SLC47A1: variants seen among roughly 807,000 people sequenced by gnomAD.
SLC47A1 encodes multidrug and toxin extrusion protein 1.
SLC47A1 carries 58 observed loss-of-function variants against 65.8 expected under a neutral mutation model. The observed-to-expected ratio is 0.88, with a 90% CI of 0.71 to 1.10. The LOEUF is 1.10. Ranked by LOEUF, SLC47A1 falls within the 50% of genes least tolerant of loss-of-function variation. The pLI is 0.00. For synonymous variants in SLC47A1, 285 were observed against 295.0 expected, an observed-to-expected ratio of 0.97 and a Z score of 0.35; for missense variants, 706 against 719.2, an observed-to-expected ratio of 0.98 and a Z score of 0.21.
chr17:19,545,257 C>T (rs866712309), intron 2 of SLC47A1, among the ~76,000 whole-genome samples: 5 of 151,898 alleles, frequency 3.3e-5, no homozygotes, highest in African/African-American at 9.7e-5. Flanking sequence ...TGCAGTGGCA[C>T]GATCTCAGTT....
intron 3 of SLC47A1, among the ~76,000 whole-genome samples, chr17:19,547,528 A>T (rs1916320064): frequency 6.6e-6 from 1 of 150,694 alleles, no homozygotes; most frequent in South Asian, 2.1e-4. Context: ...TTTAAATATA[A>T]TTTTTTTTTA....
At chr17:19,557,568 T>G (rs756199340) in intron 10 of SLC47A1, 12 of 515,542 alleles carry the variant, frequency 2.3e-5, no homozygotes, top group African/African-American at 2.3e-4. Flanking sequence ...GGGCCCAGGG[T>G]ATGTTCACGG....
chr17:19,573,985 C>T (rs1355459415), intron 16 of SLC47A1, among the ~76,000 whole-genome samples: 4 of 148,018 alleles, frequency 2.7e-5, no homozygotes, highest in East Asian at 4.0e-4. Context: ...TGCAATGGTG[C>T]GATCTCAGCT....
chr17:19,538,482 C>A (rs1012363255), intron 1 of SLC47A1, among the ~76,000 whole-genome samples: 2 of 152,236 alleles, frequency 1.3e-5, no homozygotes, highest in African/African-American at 4.8e-5. Flanking sequence ...ATGTACATTG[C>A]TTTTGCACCA....
At position 19,577,530 on chromosome 17, in the gene SLC47A1, A is replaced by G. The variant is rs778822934; in HGVS notation, c.1690A>G (p.Arg564Gly). Residue 564 changes from arginine to glycine, a missense_variant, in exon 17 of 17, where the codon AGA becomes GGA. Coordinates refer to ENST00000270570, the MANE Select transcript of SLC47A1 (RefSeq NM_018242.3). ...FLILLVGILV[R>G]FYVRIQ ...AATCTTGCTGGTGGGGATTTTAGTG[A>G]GATTCTATGTCAGAATTCAGTGACG... 1 of 1,614,130 alleles carries G rather than the reference A, an allele frequency of 6.2e-7. No homozygotes were observed. The highest frequency in any genetic ancestry group is 2.2e-5 in the East Asian group (1 of 44,890).
rs77630697 is a variant in SLC47A1, at chr17:19,542,448, G to A, written c.191G>A (p.Gly64Asp). The A allele has an allele frequency of 2.5e-4, 397 of 1,612,528 alleles. 7 individuals carry two copies. The East Asian group carries it at 8.1e-3, about 33-fold the overall frequency. ...LISFISSVFC[G>D]HLGKLELDAV... Reference sequence around the variant, plus strand: ...AGCTTCATAAGCTCCGTGTTCTGTGGCCACCTGGGCAAGCTGGAGCTGGAT... The same window carrying A: ...AGCTTCATAAGCTCCGTGTTCTGTGACCACCTGGGCAAGCTGGAGCTGGAT... Residue 64 changes from glycine to aspartate, a missense_variant, in exon 2 of 17, where the codon GGC (glycine) becomes GAC (aspartate). Physicochemically the swap from Gly to Asp is moderately conservative, Grantham distance 94 (BLOSUM62 -1). Coordinates refer to ENST00000270570, the MANE Select transcript of SLC47A1 (RefSeq NM_018242.3).
At chr17:19,555,116 C>A in intron 6 of SLC47A1, 96 bp from the exon 7 acceptor site, 1 of 1,133,218 alleles carries the variant, frequency 8.8e-7, no homozygotes, top group Non-Finnish European at 1.3e-6. Context: ...GTGATACCCG[C>A]TGAGCAGGCC....
chr17:19,546,410 G>A (rs1345792695), intron 2 of SLC47A1, 25 bp from the exon 3 acceptor site: 2 of 1,611,570 alleles, frequency 1.2e-6, no homozygotes, highest in Non-Finnish European at 1.7e-6. Flanking sequence ...ACTCTATAGG[G>A]CCTTATCTTT....
chr17:19,577,601 A>T lies in SLC47A1; in HGVS notation c.*48A>T. The stretch of plus-strand genomic sequence containing the variant: ...TCAAGTGATGCTTTTGAGCTTACAC[A>T]CAATTCACAGGCCCACCAGTGACAA... On this transcript the variant is annotated 3_prime_UTR_variant, in exon 17 of 17. Coordinates refer to ENST00000270570, the MANE Select transcript of SLC47A1 (RefSeq NM_018242.3). The T allele has an allele frequency of 6.2e-7, 1 of 1,608,880 alleles. No individual in the cohort carries two copies. Among genetic ancestry groups the T allele is most frequent in the South Asian group, 1.1e-5 (1 of 90,450 alleles).
rs117036459 is a variant in SLC47A1 at position 19,550,088 on chromosome 17, C to A, written c.498+411C>A. ...AATGTTTGACACAGCAGTGTGTGGCCAATGAACAATGAGAGCTAAGTGGTT... is the reference window on the plus strand; with the variant it reads ...AATGTTTGACACAGCAGTGTGTGGCAAATGAACAATGAGAGCTAAGTGGTT... On this transcript the variant is annotated intron_variant, in intron 5 of 16. Coordinates refer to ENST00000270570, the MANE Select transcript of SLC47A1 (RefSeq NM_018242.3). Among the ~76,000 whole-genome samples the A allele has an allele frequency of 6.7e-3, 1,015 of 152,242 alleles. 35 individuals are homozygous for A. The East Asian group carries it at 0.079, about 12-fold the overall frequency.
chr17:19,547,680 TA>T (rs1916326592), intron 3 of SLC47A1, among the ~76,000 whole-genome samples: 1 of 144,520 alleles, frequency 6.9e-6, no homozygotes, highest in African/African-American at 2.5e-5. Flanking sequence ...TTCTCCTACC[TA>T]AACACTGGGG....
intron 3 of SLC47A1, among the ~76,000 whole-genome samples, chr17:19,547,269 C>G (rs984847830): frequency 6.6e-6 from 1 of 151,892 alleles, no homozygotes; most frequent in Admixed American, 6.6e-5. Context: ...GTCTCGAACT[C>G]CTGGGCTCAA....
rs769701209 is a variant in SLC47A1, at chr17:19,555,716, A to G, written c.739+26A>G. The G allele has an allele frequency of 4.3e-6, 7 of 1,613,706 alleles. No individual in the cohort carries two copies. The African/African-American group carries it at 5.3e-5, about 12-fold the overall frequency. On this transcript the variant is annotated intron_variant, in intron 8 of 16. Coordinates refer to ENST00000270570, the MANE Select transcript of SLC47A1 (RefSeq NM_018242.3). Reference sequence around the variant, plus strand: ...GTAATGACTGCCCTTTTGTCTTCCAACTGGGATGTGGGTTTTGTCTCAGGT... The same window carrying G: ...GTAATGACTGCCCTTTTGTCTTCCAGCTGGGATGTGGGTTTTGTCTCAGGT...
At chr17:19,549,495 G>A in intron 4 of SLC47A1, 140 bp from the exon 5 acceptor site, 1 of 871,672 alleles carries the variant, frequency 1.1e-6, no homozygotes, top group South Asian at 1.5e-5. Context: ...CGCCCGGCCT[G>A]CTCCAGCAAC....
intron 12 of SLC47A1, among the ~76,000 whole-genome samples, chr17:19,565,305 T>C (rs2084347021): frequency 1.3e-5 from 2 of 152,192 alleles, no homozygotes; most frequent in South Asian, 4.1e-4. Context: ...TCTGTAGTGC[T>C]TCACTGAGGC....
intron 14 of SLC47A1, among the ~76,000 whole-genome samples, chr17:19,569,793 C>T (rs1331839902): frequency 1.3e-5 from 2 of 152,200 alleles, no homozygotes; most frequent in Non-Finnish European, 2.9e-5. Flanking sequence ...TCATAACTTT[C>T]AAATTATAGC....
chr17:19,556,184 C>T lies in SLC47A1; in HGVS notation c.921+122C>T, dbSNP rs1916604602. ...CATTTGTGAAATGATGGACAAAAGTCAAATCCCATCCTTGAGCCTGGGAGG... is the reference window on the plus strand; with the variant it reads ...CATTTGTGAAATGATGGACAAAAGTTAAATCCCATCCTTGAGCCTGGGAGG... On this transcript the variant is annotated intron_variant, in intron 10 of 16. Coordinates refer to ENST00000270570, the MANE Select transcript of SLC47A1 (RefSeq NM_018242.3). 2.6e-6 allele frequency: 3 copies of T among 1,142,844 alleles called. No homozygotes were observed. In the South Asian group the frequency reaches 4.1e-5, roughly 16 times the overall value. The allele number at this position is 1,142,844 out of a possible 1,614,324, so 70.8% of individuals were successfully genotyped here.
chr17:19,541,397 G>A (rs1342330971), intron 1 of SLC47A1, among the ~76,000 whole-genome samples: 1 of 152,208 alleles, frequency 6.6e-6, no homozygotes, highest in Non-Finnish European at 1.5e-5. Context: ...GACCGCCTGG[G>A]TCTAGTGGGT....
chr17:19,575,703 T>G (rs962543482), intron 16 of SLC47A1, among the ~76,000 whole-genome samples: 1 of 152,140 alleles, frequency 6.6e-6, no homozygotes, highest in Non-Finnish European at 1.5e-5. Context: ...CCTGGCCTAT[T>G]ACTCTTACTG....
Sources: allele counts gnomAD v4.1 joint callset (sites outside exome capture counted in the v4.1 genomes callset), GRCh38; gene constraint gnomAD v4.1.1; transcripts MANE v1.5; gene names NCBI Gene and HGNC (gene_info 2026-07-23, HGNC 2026-07-21).